SLC38A11: variants seen among roughly 807,000 people sequenced by gnomAD.
SLC38A11 encodes solute carrier family 38 member 11.
Under a neutral mutation model 49.4 loss-of-function variants are expected in SLC38A11, and 51 were observed. That is an observed-to-expected ratio of 1.03 (90% confidence interval 0.83 to 1.30). The LOEUF is 1.30. SLC38A11 is among the 50% of genes most tolerant of loss of function. The probability of loss-of-function intolerance (pLI) is 0.00; values close to 1 mark genes in which losing one functional copy is unlikely to be tolerated. For synonymous variants in SLC38A11, 203 were observed against 192.9 expected (o/e 1.05, Z -0.43); for missense variants, 574 against 556.2 (o/e 1.03, Z -0.32).
chr2:164,913,558 C>T (rs1051341276), intron 9 of SLC38A11, among the ~76,000 whole-genome samples: 1 of 151,920 alleles, frequency 6.6e-6, no homozygotes, highest in Non-Finnish European at 1.5e-5. Context: ...AGAATTACAG[C>T]TAGGGGGAAA....
intron 9 of SLC38A11, among the ~76,000 whole-genome samples, chr2:164,914,594 C>G (rs561677126): frequency 6.6e-6 from 1 of 150,870 alleles, no homozygotes; most frequent in African/African-American, 2.4e-5. Context: ...TGCTTGAGCC[C>G]GTTATCTGGG....
At chr2:164,937,005 A>G (rs1159124976) in intron 7 of SLC38A11, among the ~76,000 whole-genome samples, 1 of 152,188 alleles carries the variant, frequency 6.6e-6, no homozygotes, top group Non-Finnish European at 1.5e-5. Context: ...AAAAACATCC[A>G]CTATATCTCT....
chr2:164,945,358 C>T (rs1688033448), intron 4 of SLC38A11, among the ~76,000 whole-genome samples: 1 of 151,148 alleles, frequency 6.6e-6, no homozygotes, highest in Non-Finnish European at 1.5e-5. Context: ...GTACAGAAAG[C>T]CCAAACATTA....
In SLC38A11 at chr2:164,896,849, G is replaced by A. The variant is rs1370674585; in HGVS notation, c.*1588C>T. 1.3e-5 allele frequency: 2 copies of A among 151,950 alleles called. No individual in the cohort carries two copies. Among genetic ancestry groups the A allele is most frequent in the Admixed American group, 1.3e-4 (2 of 15,212 alleles). The allele number at this position is 151,950 out of a possible 1,614,324, so 9.4% of individuals were successfully genotyped here. On this transcript the variant is annotated 3_prime_UTR_variant, in exon 12 of 12. Coordinates refer to ENST00000685975, the MANE Select transcript of SLC38A11 (RefSeq NM_001351537.2). ...TGAGTCACACAGTGACTCAGCTCTTGCCACTTTATTCAAACTACTGTGAAC... is the reference window on the plus strand; with the variant it reads ...TGAGTCACACAGTGACTCAGCTCTTACCACTTTATTCAAACTACTGTGAAC...
At chr2:164,926,128 C>A (rs1324199641) in intron 7 of SLC38A11, among the ~76,000 whole-genome samples, 1 of 152,154 alleles carries the variant, frequency 6.6e-6, no homozygotes, top group African/African-American at 2.4e-5. Context: ...CTATAGATAG[C>A]CTCCTTCCAG....
chr2:164,902,033 C>G (rs1450720887), intron 11 of SLC38A11, among the ~76,000 whole-genome samples: 6 of 133,314 alleles, frequency 4.5e-5, no homozygotes, highest in Admixed American at 7.7e-5. Context: ...TTTTCTCTCT[C>G]TTTTTTTTTT....
intron 2 of SLC38A11, among the ~76,000 whole-genome samples, chr2:164,954,352 G>T (rs1475417232): frequency 1.3e-5 from 2 of 152,096 alleles, no homozygotes; most frequent in African/African-American, 2.4e-5. Flanking sequence ...ACAGAAAAAT[G>T]ATTCACCACC....
intron 11 of SLC38A11, among the ~76,000 whole-genome samples, chr2:164,901,955 T>A (rs534875480): frequency 3.9e-5 from 6 of 152,108 alleles, no homozygotes; most frequent in Non-Finnish European, 8.8e-5. Context: ...AGAGTTTCTA[T>A]CAAGAAATGA....
chr2:164,954,822 A>G, intron 1 of SLC38A11, 77 bp from the exon 2 acceptor site: 1 of 638,018 alleles, frequency 1.6e-6, no homozygotes, highest in East Asian at 2.9e-5. Flanking sequence ...AATGCAGGAT[A>G]CTAACACGAT....
In SLC38A11 at chr2:164,907,247, C is replaced by T. The variant is rs114596693; in HGVS notation, c.1095+1393G>A. Among the ~76,000 whole-genome samples, 486 of 150,406 alleles carry T rather than the reference C, an allele frequency of 3.2e-3. 4 individuals are homozygous for T. Among genetic ancestry groups the T allele is most frequent in the African/African-American group, 0.011 (459 of 40,872 alleles). ...GAAAAATGTGTTTTGGGAATCCATCCATTTCCCTCTGTCTTCTTTTCTCTT... is the reference window on the plus strand; with the variant it reads ...GAAAAATGTGTTTTGGGAATCCATCTATTTCCCTCTGTCTTCTTTTCTCTT... On this transcript the variant is annotated intron_variant, in intron 11 of 11. Transcript: ENST00000685975.
chr2:164,947,117 C>CTTTTTTTTTT lies in SLC38A11; in HGVS notation c.230-1400_230-1391dup, dbSNP rs200284770. Among the ~76,000 whole-genome samples, 195 of 72,870 alleles carry CTTTTTTTTTT rather than the reference C, an allele frequency of 2.7e-3. 28 individuals are homozygous for CTTTTTTTTTT. Among genetic ancestry groups the CTTTTTTTTTT allele is most frequent in the African/African-American group, 0.013 (171 of 12,964 alleles). The allele number at this position is 72,870 out of a possible 152,430, so 47.8% of individuals were successfully genotyped here. A position where few individuals can be genotyped will look rare whatever the true frequency, so the allele number is the denominator to read the frequency against. On this transcript the variant is annotated intron_variant, in intron 3 of 11. Coordinates refer to ENST00000685975, the MANE Select transcript of SLC38A11 (RefSeq NM_001351537.2). ...CCTGGATTCTTGGACTTTTTTATCT[C>CTTTTTTTTTT]TTTTTTTTTTTTTTTTTTTTTTTTT...
chr2:164,950,815 A>C (rs1199333471), intron 3 of SLC38A11, among the ~76,000 whole-genome samples: 1 of 152,194 alleles, frequency 6.6e-6, no homozygotes, highest in Non-Finnish European at 1.5e-5. Flanking sequence ...TAAAAGGCAA[A>C]ATAATAATTC....
intron 7 of SLC38A11, among the ~76,000 whole-genome samples, chr2:164,932,214 A>G (rs10192128): frequency 0.081 from 12,295 of 152,220 alleles, 1,409 homozygotes; most frequent in African/African-American, 0.25. Flanking sequence ...ATGACATATC[A>G]TCTCACACTA....
intron 5 of SLC38A11, among the ~76,000 whole-genome samples, chr2:164,941,680 TTAAAAATTAA>T (rs1487329494): frequency 3.9e-5 from 6 of 152,112 alleles, no homozygotes; most frequent in Admixed American, 1.3e-4. Flanking sequence ...CTTTGTATAA[TTAAAAATTAA>T]TAAAAATTAA....
At chr2:164,903,562 A>G (rs761263435) in intron 11 of SLC38A11, among the ~76,000 whole-genome samples, 23 of 152,182 alleles carry the variant, frequency 1.5e-4, no homozygotes, top group East Asian at 3.8e-4. Context: ...AGAAGTCAAG[A>G]TCATCAGTAA....
intron 11 of SLC38A11, among the ~76,000 whole-genome samples, chr2:164,905,545 A>G (rs1684942350): frequency 6.6e-6 from 1 of 152,166 alleles, no homozygotes; most frequent in Non-Finnish European, 1.5e-5. Context: ...GCTCTATTAG[A>G]CATGGTAAGT....
chr2:164,951,445 C>A (rs1038929988), intron 3 of SLC38A11, among the ~76,000 whole-genome samples: 10 of 152,062 alleles, frequency 6.6e-5, no homozygotes, highest in Non-Finnish European at 1.2e-4. Context: ...ACACTTAGGT[C>A]TCATGCTGCT....
At chr2:164,922,654 A>G (rs938642713) in intron 7 of SLC38A11, among the ~76,000 whole-genome samples, 1 of 152,142 alleles carries the variant, frequency 6.6e-6, no homozygotes, top group South Asian at 2.1e-4. Flanking sequence ...AAAGAACTAT[A>G]CTACCCAAAG....
intron 3 of SLC38A11, among the ~76,000 whole-genome samples, chr2:164,947,411 C>T (rs1025561053): frequency 5.9e-5 from 9 of 152,022 alleles, no homozygotes; most frequent in Admixed American, 1.3e-4. Context: ...GGATTACAGG[C>T]GTAAGCTACC....
Sources: allele counts gnomAD v4.1 joint callset (sites outside exome capture counted in the v4.1 genomes callset), GRCh38; gene constraint gnomAD v4.1.1; transcripts MANE v1.5; gene names NCBI Gene and HGNC (gene_info 2026-07-23, HGNC 2026-07-21).